NLGN1: variants seen among roughly 807,000 people sequenced by gnomAD.
NLGN1 encodes the protein neuroligin-1.
Under a neutral mutation model 65.5 loss-of-function variants are expected in NLGN1, and 12 were observed. The ratio of observed to expected loss-of-function variants is 0.18; its 90% CI spans 0.12 to 0.30. The LOEUF is 0.30. Among genes scored for constraint, NLGN1 ranks in the 10% least tolerant of loss-of-function variants. The pLI is 1.00. For missense variants in NLGN1, 750 were observed against 1,007.1 expected, an observed-to-expected ratio of 0.74 and a Z score of 3.46; for synonymous variants, 350 against 359.5, an observed-to-expected ratio of 0.97 and a Z score of 0.30.
chr3:173,925,679 T>G (rs917240624), intron 4 of NLGN1, among the ~76,000 whole-genome samples: 1 of 152,186 alleles, frequency 6.6e-6, no homozygotes, highest in Non-Finnish European at 1.5e-5. Context: ...TAGGGGAAGA[T>G]AAGATTGGAT....
chr3:173,550,257 A>G (rs1426012080), intron 2 of NLGN1, among the ~76,000 whole-genome samples: 1 of 152,116 alleles, frequency 6.6e-6, no homozygotes, highest in African/African-American at 2.4e-5. Context: ...ATATGCAGAG[A>G]GATAGAACAA....
chr3:174,072,698 A>G (rs1045848868), intron 4 of NLGN1, among the ~76,000 whole-genome samples: 3 of 152,106 alleles, frequency 2.0e-5, no homozygotes, highest in African/African-American at 4.8e-5. Context: ...TGAGTGACAG[A>G]GAGAAGGGTA....
intron 2 of NLGN1, among the ~76,000 whole-genome samples, chr3:173,458,909 A>T (rs1417243819): frequency 6.6e-6 from 1 of 151,992 alleles, no homozygotes; most frequent in African/African-American, 2.4e-5. Context: ...TCACTATTTC[A>T]CATTTCACTA....
chr3:173,660,069 T>C (rs560592882), intron 3 of NLGN1, among the ~76,000 whole-genome samples: 41 of 150,334 alleles, frequency 2.7e-4, no homozygotes, highest in African/African-American at 9.3e-4. Context: ...TGAGAGAAAA[T>C]GTGGTACATG....
At chr3:174,057,558 T>C (rs919650109) in intron 4 of NLGN1, 1 of 152,126 alleles carries the variant, frequency 6.6e-6, no homozygotes, top group Non-Finnish European at 1.5e-5. Context: ...AGTCTTCTAA[T>C]CTTCCATGTG....
At chr3:173,451,617 G>A (rs1030719339) in intron 2 of NLGN1, among the ~76,000 whole-genome samples, 4 of 152,182 alleles carry the variant, frequency 2.6e-5, no homozygotes, top group African/African-American at 9.6e-5. Flanking sequence ...GTCTGCAGAG[G>A]TTATTGCCGT....
chr3:173,972,159 A>G (rs1182539863), intron 4 of NLGN1, among the ~76,000 whole-genome samples: 3 of 152,090 alleles, frequency 2.0e-5, no homozygotes, highest in Non-Finnish European at 4.4e-5. Flanking sequence ...TCTTTTCCTA[A>G]TGGGAGAGGA....
At chr3:173,702,181 G>A (rs1419414245) in intron 3 of NLGN1, among the ~76,000 whole-genome samples, 1 of 148,820 alleles carries the variant, frequency 6.7e-6, no homozygotes, top group African/African-American at 2.5e-5. Context: ...GGAGCTTGCA[G>A]TGAGCCGAGA....
chr3:174,289,953 G>GTATATA (rs759762696), downstream of NLGN1, among the ~76,000 whole-genome samples: 1 of 89,858 alleles, frequency 1.1e-5, no homozygotes, highest in Non-Finnish European at 2.1e-5. Context: ...GTATATATAT[G>GTATATA]TGTATATATA....
chr3:174,222,499 G>T (rs753785011), intron 4 of NLGN1, among the ~76,000 whole-genome samples: 63 of 152,102 alleles, frequency 4.1e-4, no homozygotes, highest in Non-Finnish European at 8.2e-4. Flanking sequence ...TAGTAAATGG[G>T]TGTTGTATAT....
chr3:173,560,143 C>T (rs1434102723), intron 2 of NLGN1, among the ~76,000 whole-genome samples: 2 of 151,934 alleles, frequency 1.3e-5, no homozygotes, highest in African/African-American at 4.8e-5. Context: ...CGGGGTTTCA[C>T]CGCGGTCTCG....
At chr3:173,835,276 T>C (rs919412989) in intron 4 of NLGN1, among the ~76,000 whole-genome samples, 18 of 152,254 alleles carry the variant, frequency 1.2e-4, no homozygotes, top group South Asian at 2.1e-4. Context: ...TCTTGTATCA[T>C]ATAAGAAATA....
Position 174,241,283 on chromosome 3 carries a change from A to G in NLGN1, c.647-34032A>G, listed in dbSNP as rs371621146. Among the ~76,000 whole-genome samples the G allele has an allele frequency of 3.0e-3, 450 of 152,080 alleles. 5 individuals carry two copies. Among genetic ancestry groups the G allele is most frequent in the African/African-American group, 0.01 (432 of 41,518 alleles). Reference sequence around the variant, plus strand: ...TTTTCTAATATGAAACAGGTAGTTTATTTTTGCCTGTTTTATATATTTTTT... The same window carrying G: ...TTTTCTAATATGAAACAGGTAGTTTGTTTTTGCCTGTTTTATATATTTTTT... On this transcript the variant is annotated intron_variant, in intron 4 of 6. Transcript: ENST00000457714.
chr3:173,681,548 A>G (rs1763950680), intron 3 of NLGN1, among the ~76,000 whole-genome samples: 1 of 152,078 alleles, frequency 6.6e-6, no homozygotes, highest in South Asian at 2.1e-4. Flanking sequence ...GAGGTTTGCA[A>G]TTGTGTACTC....
chr3:174,140,673 G>A (rs1237122224), intron 4 of NLGN1, among the ~76,000 whole-genome samples: 1 of 152,040 alleles, frequency 6.6e-6, no homozygotes, highest in Non-Finnish European at 1.5e-5. Context: ...CCACCTTCTG[G>A]AACATTAAAA....
chr3:173,823,982 A>T (rs1176663517), intron 4 of NLGN1, among the ~76,000 whole-genome samples: 2 of 151,418 alleles, frequency 1.3e-5, no homozygotes, highest in African/African-American at 2.4e-5. Context: ...TATTTTTAAG[A>T]TATTCCTTTT....
chr3:173,847,304 C>A (rs904268370), intron 4 of NLGN1, among the ~76,000 whole-genome samples: 1 of 152,052 alleles, frequency 6.6e-6, no homozygotes, highest in Non-Finnish European at 1.5e-5. Context: ...TTTTTTTGGT[C>A]AGAAAGATTG....
intron 4 of NLGN1, among the ~76,000 whole-genome samples, chr3:174,197,150 T>C (rs1733578521): frequency 6.6e-6 from 1 of 152,218 alleles, no homozygotes; most frequent in East Asian, 1.9e-4. Flanking sequence ...TATATGCTTA[T>C]TTTTAACAAC....
At chr3:173,666,982 A>G (rs1283394960) in intron 3 of NLGN1, among the ~76,000 whole-genome samples, 1 of 152,210 alleles carries the variant, frequency 6.6e-6, no homozygotes, top group Non-Finnish European at 1.5e-5. Flanking sequence ...AGAGATAGGA[A>G]CTTCTTGGAC....
Sources: gnomAD v4.1 joint callset for allele counts (sites outside exome capture counted in the v4.1 genomes callset) on GRCh38, gnomAD v4.1.1 for gene constraint, MANE v1.5 for transcripts, NCBI Gene and HGNC (gene_info 2026-07-23, HGNC 2026-07-21) for gene names.